The following PHKB variants were observed in gnomAD, a reference collection of about 807,000 sequenced individuals.
PHKB encodes the protein phosphorylase b kinase regulatory subunit beta.
Under a neutral mutation model 152.1 loss-of-function variants are expected in PHKB, and 122 were observed. The ratio of observed to expected loss-of-function variants is 0.80; its 90% CI spans 0.69 to 0.93. PHKB has a LOEUF of 0.93. Among genes scored for constraint, PHKB ranks in the 40% least tolerant of loss-of-function variants. The probability of loss-of-function intolerance (pLI) is 0.00; values close to 1 mark genes in which losing one functional copy is unlikely to be tolerated. For missense variants in PHKB, 1,304 were observed against 1,328.4 expected, an observed-to-expected ratio of 0.98 and a Z score of 0.29; for synonymous variants, 436 against 464.9, an observed-to-expected ratio of 0.94 and a Z score of 0.80.
chr16:47,627,019 C>G (rs538555353), intron 14 of PHKB, among the ~76,000 whole-genome samples: 108 of 152,274 alleles, frequency 7.1e-4, no homozygotes, highest in Non-Finnish European at 9.4e-4. Context: ...GATTCTAAAA[C>G]CTGGTTTCTT....
At chr16:47,550,866 G>A (rs917972376) in intron 7 of PHKB, among the ~76,000 whole-genome samples, 4 of 152,116 alleles carry the variant, frequency 2.6e-5, no homozygotes, top group African/African-American at 7.2e-5. Flanking sequence ...TTGGTTGGTA[G>A]GCTATTAATT....
At chr16:47,692,570 C>G (rs1423282164) in intron 27 of PHKB, among the ~76,000 whole-genome samples, 1 of 151,882 alleles carries the variant, frequency 6.6e-6, no homozygotes, top group Non-Finnish European at 1.5e-5. Flanking sequence ...GAGCTATGAT[C>G]GAGCCATTGC....
Position 47,461,389 on chromosome 16 carries a change from G to A in PHKB, c.39G>A (p.Trp13Ter), listed in dbSNP as rs141733590. The change falls in exon 1 of 31, where the codon TGG becomes TGA. Residue 13 changes from tryptophan to a stop codon, truncating the protein, a stop_gained. Transcript: ENST00000323584. LOFTEE classifies it high-confidence loss of function. ...CGGGACTCACGGCAGAAGTGAGCTG[G>A]AAGGTCTTGGAGCGAAGAGCTCGGA... ...GAAGLTAEVS[W>*]KVLERRARTK... 1.6e-3 allele frequency: 2,578 copies of A among 1,613,112 alleles called. 24 individuals are homozygous for A. Among genetic ancestry groups the A allele is most frequent in the Non-Finnish European group, 1.3e-3 (1,537 of 1,179,790 alleles).
At chr16:47,470,374 C>CTATTGTTG (rs1305803845) in intron 1 of PHKB, among the ~76,000 whole-genome samples, 2 of 152,210 alleles carry the variant, frequency 1.3e-5, no homozygotes, top group African/African-American at 4.8e-5. Flanking sequence ...ATCCCTCATG[C>CTATTGTTG]TATTGTTGTA....
At chr16:47,665,439 T>C (rs1411564682) in intron 25 of PHKB, 1 of 223,990 alleles carries the variant, frequency 4.5e-6, no homozygotes, top group Non-Finnish European at 8.9e-6. Flanking sequence ...TAAAAAGAAA[T>C]ACTGGTATTT....
chr16:47,493,575 G>T (rs183325938), intron 1 of PHKB, among the ~76,000 whole-genome samples: 172 of 152,260 alleles, frequency 1.1e-3, no homozygotes, highest in African/African-American at 4.1e-3. Flanking sequence ...TATAAATCCA[G>T]CTGGTGTTTC....
chr16:47,550,305 C>G lies in PHKB; in HGVS notation c.710+2757C>G, dbSNP rs13336864. Among the ~76,000 whole-genome samples the G allele has an allele frequency of 4.2e-3, 636 of 152,284 alleles. 6 individuals carry two copies. The highest frequency in any genetic ancestry group is 0.015 in the African/African-American group (606 of 41,542). ...ACTAGCCTGGGATCAAGTCACACCT[C>G]TTAGTCTGTCTCTGCTGTAGGATAC... On this transcript the variant is annotated intron_variant, in intron 7 of 30. Coordinates refer to ENST00000323584, the MANE Select transcript of PHKB (RefSeq NM_000293.3).
intron 6 of PHKB, among the ~76,000 whole-genome samples, chr16:47,525,307 C>G (rs946354933): frequency 1.3e-5 from 2 of 152,072 alleles, no homozygotes; most frequent in African/African-American, 4.8e-5. Context: ...CAAATGATCA[C>G]TATTTTAGGA....
intron 2 of PHKB, 117 bp downstream of exon 2, chr16:47,497,605 A>T (rs1227421234): frequency 1.4e-6 from 1 of 713,036 alleles, no homozygotes; most frequent in Non-Finnish European, 2.5e-6. Flanking sequence ...GATTTGGGGT[A>T]CTTTCAGTGC....
At chr16:47,568,813 C>T (rs1197335199) in intron 7 of PHKB, among the ~76,000 whole-genome samples, 1 of 152,052 alleles carries the variant, frequency 6.6e-6, no homozygotes, top group East Asian at 1.9e-4. Context: ...GTTTAATTTT[C>T]ATGTATTTGT....
chr16:47,640,766 T>A (rs1377866612), intron 14 of PHKB, among the ~76,000 whole-genome samples: 1 of 152,206 alleles, frequency 6.6e-6, no homozygotes, highest in African/African-American at 2.4e-5. Flanking sequence ...TTATGCATCA[T>A]TCAAAATAGC....
At chr16:47,683,838 C>T (rs1419745783) in intron 26 of PHKB, among the ~76,000 whole-genome samples, 1 of 152,198 alleles carries the variant, frequency 6.6e-6, no homozygotes, top group Non-Finnish European at 1.5e-5. Flanking sequence ...GCAGAAATCA[C>T]CCATCTTCTG....
At chr16:47,485,787 T>G (rs1970039105) in intron 1 of PHKB, among the ~76,000 whole-genome samples, 1 of 152,112 alleles carries the variant, frequency 6.6e-6, no homozygotes, top group Admixed American at 6.5e-5. Context: ...ACCTGGCTGA[T>G]TTTTAAATTT....
chr16:47,473,636 A>C (rs1223204624), intron 1 of PHKB, among the ~76,000 whole-genome samples: 1 of 152,042 alleles, frequency 6.6e-6, no homozygotes, highest in African/African-American at 2.4e-5. Flanking sequence ...TTCATATTTC[A>C]CAAATTTTCT....
At chr16:47,633,235 C>T (rs1449243074) in intron 14 of PHKB, among the ~76,000 whole-genome samples, 1 of 151,888 alleles carries the variant, frequency 6.6e-6, no homozygotes, top group Non-Finnish European at 1.5e-5. Flanking sequence ...TAAAAGTATC[C>T]TTGTTTATAT....
At chr16:47,594,949 T>C (rs1972092324) in intron 12 of PHKB, among the ~76,000 whole-genome samples, 1 of 152,194 alleles carries the variant, frequency 6.6e-6, no homozygotes, top group Admixed American at 6.5e-5. Flanking sequence ...TCCACAGATA[T>C]CTCAGAGTAA....
In PHKB at chr16:47,641,646, A is replaced by T; in HGVS notation, c.1562A>T (p.Gln521Leu). Residue 521 changes from glutamine to leucine, a missense_variant, in exon 16 of 31, where the codon CAA becomes CTA. Physicochemically the swap from Gln to Leu is moderately radical, Grantham distance 113 (BLOSUM62 -2). Coordinates refer to ENST00000323584, the MANE Select transcript of PHKB (RefSeq NM_000293.3). ...TATGGTATTCAAACTCAAACTCCTC[A>T]ACAAGTAGAACCCATTCAGATATGG... The part of the protein sequence containing the change: ...NTYGIQTQTP[Q>L]QVEPIQIWPQ... 6.2e-7 allele frequency: 1 copy of T among 1,607,852 alleles called. No individual in the cohort carries two copies. Among genetic ancestry groups the T allele is most frequent in the Non-Finnish European group, 8.5e-7 (1 of 1,174,246 alleles).
intron 1 of PHKB, among the ~76,000 whole-genome samples, chr16:47,481,341 G>A (rs1405909689): frequency 6.6e-6 from 1 of 152,162 alleles, no homozygotes; most frequent in Non-Finnish European, 1.5e-5. Flanking sequence ...CATAATTAAT[G>A]CTCTTCCCTC....
At chr16:47,536,429 G>C (rs780021301) in intron 6 of PHKB, among the ~76,000 whole-genome samples, 3 of 152,170 alleles carry the variant, frequency 2.0e-5, no homozygotes, top group Non-Finnish European at 4.4e-5. Context: ...AGTATTATTT[G>C]TGTGAGAACT....
Sources: allele counts gnomAD v4.1 joint callset (sites outside exome capture counted in the v4.1 genomes callset), GRCh38; gene constraint gnomAD v4.1.1; transcripts MANE v1.5; gene names NCBI Gene and HGNC (gene_info 2026-07-23, HGNC 2026-07-21).